The following PXDN variants were observed in gnomAD, a reference collection of about 807,000 sequenced individuals.
PXDN encodes the protein peroxidasin homolog.
Under a neutral mutation model 140.3 loss-of-function variants are expected in PXDN, and 77 were observed. That is an observed-to-expected ratio of 0.55 (90% CI 0.46 to 0.66). PXDN has a LOEUF of 0.66. Ranked by LOEUF, PXDN falls within the 30% of genes least tolerant of loss-of-function variation. The probability of loss-of-function intolerance (pLI) is 0.00; values close to 1 mark genes in which losing one functional copy is unlikely to be tolerated. For missense variants in PXDN, 1,838 were observed against 2,039.5 expected (o/e 0.90, Z 1.90); for synonymous variants, 911 against 857.4 (o/e 1.06, Z -1.09).
chr2:1,659,420 T>C (rs541089213), intron 14 of PXDN, among the ~76,000 whole-genome samples: 1 of 152,382 alleles, frequency 6.6e-6, no homozygotes, highest in South Asian at 2.1e-4. Context: ...TACAATTTTA[T>C]ATAATTTTAT....
rs116637850 is a variant in PXDN at position 1,693,406 on chromosome 2, G to A, written c.201-272C>T. On this transcript the variant is annotated intron_variant, in intron 1 of 22. Transcript: ENST00000252804. Reference sequence around the variant, plus strand: ...AAACTACCTAAGCACCCTATCTCTGGCAACCCACTGGAAAATGTCGTGTCG... The same window carrying A: ...AAACTACCTAAGCACCCTATCTCTGACAACCCACTGGAAAATGTCGTGTCG... Among the ~76,000 whole-genome samples the A allele has an allele frequency of 7.5e-3, 1,137 of 152,262 alleles. 21 individuals are homozygous for A. Among genetic ancestry groups the A allele is most frequent in the African/African-American group, 0.026 (1,063 of 41,548 alleles).
chr2:1,670,216 G>A (rs1683541349), intron 9 of PXDN, among the ~76,000 whole-genome samples: 1 of 151,878 alleles, frequency 6.6e-6, no homozygotes, highest in South Asian at 2.1e-4. Flanking sequence ...CTAAAGATTT[G>A]GAAAAAAATC....
chr2:1,738,259 G>A (rs1007860540), intron 1 of PXDN, among the ~76,000 whole-genome samples: 1 of 152,146 alleles, frequency 6.6e-6, no homozygotes, highest in Admixed American at 6.5e-5. Context: ...TGGGAAGTAC[G>A]AGAGAGCTCA....
intron 1 of PXDN, among the ~76,000 whole-genome samples, chr2:1,729,496 A>G (rs1469926198): frequency 6.6e-6 from 1 of 151,804 alleles, no homozygotes; most frequent in Non-Finnish European, 1.5e-5. Context: ...CAACAGGGAA[A>G]GCCCACCGTA....
chr2:1,655,218 A>T (rs186359075), intron 14 of PXDN, among the ~76,000 whole-genome samples: 30 of 151,610 alleles, frequency 2.0e-4, no homozygotes, highest in African/African-American at 7.3e-4. Flanking sequence ...AGAAACACAT[A>T]CCACACACAA....
chr2:1,666,762 C>T (rs966294304), intron 9 of PXDN, among the ~76,000 whole-genome samples: 14 of 151,980 alleles, frequency 9.2e-5, no homozygotes, highest in African/African-American at 2.7e-4. Flanking sequence ...AAACATGTGC[C>T]GAACTCCATG....
chr2:1,740,490 T>TG (rs1334242816), intron 1 of PXDN, among the ~76,000 whole-genome samples: 1 of 151,812 alleles, frequency 6.6e-6, no homozygotes, highest in African/African-American at 2.4e-5. Context: ...CCAGAGGGCC[T>TG]GGGGGGCCTG....
Position 1,639,409 on chromosome 2 carries a change from C to G in PXDN, c.3966G>C (p.Arg1322Ser). Residue 1322 changes from arginine to serine, a missense_variant, in exon 20 of 23, where the codon AGG (arginine) becomes AGC (serine). Transcript: ENST00000252804. This position sits in a 1 kb window ranked among gnomAD's most constrained non-coding sequence, Gnocchi z 5.0. The part of the protein sequence containing the change: ...WQDCCEDCRT[R>S]GQFNAFSYHF... The stretch of plus-strand genomic sequence containing the variant: ...GATAGGAAAAGGCATTGAACTGCCC[C>G]CTGGTCCTACAGTCTAAAATGGAAG... The G allele has an allele frequency of 6.2e-7, 1 of 1,613,974 alleles. No homozygotes were observed. The highest frequency in any genetic ancestry group is 8.5e-7 in the Non-Finnish European group (1 of 1,179,872).
intron 16 of PXDN, chr2:1,653,079 T>C (rs1683051319): frequency 9.5e-6 from 2 of 210,490 alleles, no homozygotes; most frequent in African/African-American, 4.5e-5. Flanking sequence ...AATCGTGACA[T>C]GTAAAGGCAT....
At chr2:1,706,496 T>C (rs889161790) in intron 1 of PXDN, among the ~76,000 whole-genome samples, 3 of 151,948 alleles carry the variant, frequency 2.0e-5, no homozygotes, top group Non-Finnish European at 4.4e-5. Context: ...CCTGCCCCAC[T>C]AATAATACAA....
chr2:1,641,801 A>G (rs1430735755), intron 19 of PXDN, among the ~76,000 whole-genome samples: 1 of 152,236 alleles, frequency 6.6e-6, no homozygotes, highest in Non-Finnish European at 1.5e-5. Context: ...TAGCAAAAGA[A>G]CAGAAAGCCT....
At chr2:1,735,582 T>G (rs1362657173) in intron 1 of PXDN, among the ~76,000 whole-genome samples, 2 of 152,174 alleles carry the variant, frequency 1.3e-5, no homozygotes, top group African/African-American at 2.4e-5. Flanking sequence ...TTCCGAGCAG[T>G]AGGTCTCAAC....
chr2:1,651,605 A>T lies in PXDN; in HGVS notation c.2105-1930T>A, dbSNP rs1683015951. ...CACCCCCTTTCCAGCCACAGTGACC[A>T]CCTGCTGTTCCACTATGCTCCAACG... On this transcript the variant is annotated intron_variant, in intron 16 of 22. Coordinates refer to ENST00000252804, the MANE Select transcript of PXDN (RefSeq NM_012293.3). The surrounding 1 kb of genome is among the most constrained non-coding windows in gnomAD (Gnocchi z 4.4). Among the ~76,000 whole-genome samples, 1 of 151,972 alleles carries T rather than the reference A, an allele frequency of 6.6e-6. No individual in the cohort carries two copies. Among genetic ancestry groups the T allele is most frequent in the Non-Finnish European group, 1.5e-5 (1 of 68,002 alleles).
At chr2:1,724,575 C>A (rs775405727) in intron 1 of PXDN, among the ~76,000 whole-genome samples, 1 of 152,116 alleles carries the variant, frequency 6.6e-6, no homozygotes, top group Non-Finnish European at 1.5e-5. Flanking sequence ...CAAGACGGCA[C>A]CACTCTGCCA....
chr2:1,655,774 T>C (rs1190610583), intron 14 of PXDN, among the ~76,000 whole-genome samples: 4 of 129,904 alleles, frequency 3.1e-5, no homozygotes, highest in African/African-American at 5.9e-5. Flanking sequence ...ACATGCCACC[T>C]ACACAGCACA....
intron 1 of PXDN, 42 bp downstream of exon 1, chr2:1,744,214 A>G (rs1420565494): frequency 6.9e-7 from 1 of 1,439,942 alleles, no homozygotes; most frequent in African/African-American, 1.5e-5. Flanking sequence ...ATCTCCACGA[A>G]GCCCCGGACC....
At chr2:1,635,700 C>A (rs1186164273) in intron 21 of PXDN, 179 bp from the exon 22 acceptor site, 5 of 618,546 alleles carry the variant, frequency 8.1e-6, no homozygotes, top group Non-Finnish European at 1.5e-5. Context: ...CGGCAGCTGA[C>A]CACACGCCCC....
In PXDN at chr2:1,694,487, T is replaced by C. The variant is rs115945429; in HGVS notation, c.201-1353A>G. ...CCCTGTGCTGTGGGTCAAGTTCTCC[T>C]GGAGGAGAAGGGGAAGGCGGCCCCC... On this transcript the variant is annotated intron_variant, in intron 1 of 22. Transcript: ENST00000252804. 4.1e-3 allele frequency among the ~76,000 whole-genome samples: 621 copies of C among 152,250 alleles called. 7 individuals are homozygous for C. The highest frequency in any genetic ancestry group is 0.014 in the African/African-American group (586 of 41,560).
chr2:1,703,500 A>AG (rs1313858935), intron 1 of PXDN, among the ~76,000 whole-genome samples: 1 of 24,974 alleles, frequency 4.0e-5, no homozygotes, highest in Non-Finnish European at 7.2e-5. Flanking sequence ...CTCCAGGTGA[A>AG]GGGGGGACAA....
Sources: allele counts gnomAD v4.1 joint callset (sites outside exome capture counted in the v4.1 genomes callset), GRCh38; gene constraint gnomAD v4.1.1; non-coding constraint Gnocchi (gnomAD v3.1); transcripts MANE v1.5; gene names NCBI Gene and HGNC (gene_info 2026-07-23, HGNC 2026-07-21).